Variants in CYP27C1 observed in about 807,000 individuals in gnomAD.
CYP27C1 encodes cytochrome P450 27C1.
In CYP27C1, 29 loss-of-function variants were observed where a neutral mutation model predicts 40.6. The ratio of observed to expected loss-of-function variants is 0.71; its 90% confidence interval spans 0.53 to 0.97. The LOEUF (loss-of-function observed/expected upper bound fraction) is 0.97, where lower values mean the gene tolerates loss of function less well. Among genes scored for constraint, CYP27C1 ranks in the 50% least tolerant of loss-of-function variants. The probability of loss-of-function intolerance (pLI) is 0.00; values close to 1 mark genes in which losing one functional copy is unlikely to be tolerated. For synonymous variants in CYP27C1, 198 were observed against 186.8 expected, an observed-to-expected ratio of 1.06 and a Z score of -0.49; for missense variants, 390 against 485.8, an observed-to-expected ratio of 0.80 and a Z score of 1.85.
At chr2:127,205,172 C>T (rs1474035674) in intron 2 of CYP27C1, among the ~76,000 whole-genome samples, 1 of 152,212 alleles carries the variant, frequency 6.6e-6, no homozygotes, top group Non-Finnish European at 1.5e-5. Context: ...GCCTGAACAT[C>T]CAGGAGGAGC....
rs1683088495 is a variant in CYP27C1, at chr2:127,203,421, T to C, written c.624A>G (p.Gly208=). The change falls in exon 3 of 9, where the codon GGA becomes GGG. Residue 208 remains glycine (G), a synonymous_variant. Coordinates refer to ENST00000664447, the MANE Select transcript of CYP27C1 (RefSeq NM_001367502.1). ...GATCATTGACATTGGTCACGGTTTCTCCATCTTCTGCCTGGCTCCTGAGGA... is the reference window on the plus strand; with the variant it reads ...GATCATTGACATTGGTCACGGTTTCCCCATCTTCTGCCTGGCTCCTGAGGA... ...IYLLRSQAED[G]ETVTNVNDLF... 3 of 1,613,778 alleles carry C rather than the reference T, an allele frequency of 1.9e-6. No individual in the cohort carries two copies. Among genetic ancestry groups the C allele is most frequent in the Non-Finnish European group, 2.5e-6 (3 of 1,179,980 alleles).
chr2:127,194,281 T>TA (rs1255813355), intron 6 of CYP27C1, among the ~76,000 whole-genome samples: 2 of 152,166 alleles, frequency 1.3e-5, no homozygotes, highest in Admixed American at 6.5e-5. Flanking sequence ...AAACCCTGAA[T>TA]AAAACTTTAA....
In CYP27C1 at chr2:127,204,485, A is replaced by AAAGGAAGGAAGG. The variant is rs369842924; in HGVS notation, c.474-926_474-915dup. 3.7e-4 allele frequency among the ~76,000 whole-genome samples: 22 copies of AAAGGAAGGAAGG among 60,210 alleles called. 3 individuals carry two copies. Among genetic ancestry groups the AAAGGAAGGAAGG allele is most frequent in the African/African-American group, 1.2e-3 (18 of 14,756 alleles). The allele number at this position is 60,210 out of a possible 152,430, so 39.5% of individuals were successfully genotyped here. On this transcript the variant is annotated intron_variant, in intron 2 of 8. Coordinates refer to ENST00000664447, the MANE Select transcript of CYP27C1 (RefSeq NM_001367502.1). ...GAAAGAAAGAAAGAAAGAAAGAAAG[A>AAAGGAAGGAAGG]AAGGAAGGAAGGAAGGAAGGAAAGA...
At chr2:127,190,884 T>C (rs1419032907) in intron 8 of CYP27C1, among the ~76,000 whole-genome samples, 2 of 143,744 alleles carry the variant, frequency 1.4e-5, no homozygotes, top group Admixed American at 7.1e-5. Flanking sequence ...GAGACAGAGT[T>C]GCAGCGACCC....
At chr2:127,192,900 T>C (rs1466619676) in intron 8 of CYP27C1, among the ~76,000 whole-genome samples, 194 bp downstream of exon 8, 1 of 152,186 alleles carries the variant, frequency 6.6e-6, no homozygotes, top group Non-Finnish European at 1.5e-5. Context: ...AGCCTTGAAC[T>C]CCTGGGTTCA....
chr2:127,217,513 T>C (rs1395133777), intron 1 of CYP27C1, among the ~76,000 whole-genome samples: 5 of 152,156 alleles, frequency 3.3e-5, no homozygotes, highest in Non-Finnish European at 5.9e-5. Flanking sequence ...ATGAGAAAAC[T>C]GAGGTGCAGA....
In CYP27C1 at chr2:127,204,551, G is replaced by GAGAGAAAGAAAGAAAGAA. The variant is rs1683164283; in HGVS notation, c.474-981_474-980insTTCTTTCTTTCTTTCTCT. Among the ~76,000 whole-genome samples, 20 of 51,300 alleles carry GAGAGAAAGAAAGAAAGAA rather than the reference G, an allele frequency of 3.9e-4. 1 individual carries two copies. The highest frequency in any genetic ancestry group is 1.2e-3 in the African/African-American group (18 of 14,724). The allele number at this position is 51,300 out of a possible 152,430, so 33.7% of individuals were successfully genotyped here. A position where few individuals can be genotyped will look rare whatever the true frequency, so the allele number is the denominator to read the frequency against. ...AAAGAAAGAAAGAGAGAGAGAGAGA[G>GAGAGAAAGAAAGAAAGAA]AGAGAGAAAGAAAGAAAGAAAGAAA... On this transcript the variant is annotated intron_variant, in intron 2 of 8. Transcript: ENST00000664447.
intron 5 of CYP27C1, among the ~76,000 whole-genome samples, chr2:127,198,338 A>T (rs1398729274): frequency 6.6e-6 from 1 of 152,226 alleles, no homozygotes; most frequent in Non-Finnish European, 1.5e-5. Flanking sequence ...TCTTGGCTTT[A>T]TAAATAAATT....
Position 127,208,600 on chromosome 2 carries a change from T to G in CYP27C1, c.283-2510A>C, listed in dbSNP as rs1683278226. Among the ~76,000 whole-genome samples, 1 of 152,342 alleles carries G rather than the reference T, an allele frequency of 6.6e-6. No homozygotes were observed. The highest frequency in any genetic ancestry group is 2.4e-5 in the African/African-American group (1 of 41,586). ...CTGGGACTCACAACTGCCAACAGGCTAAGCTCCCTGGGTTGGGGAAGGGTG... is the reference window on the plus strand; with the variant it reads ...CTGGGACTCACAACTGCCAACAGGCGAAGCTCCCTGGGTTGGGGAAGGGTG... On this transcript the variant is annotated intron_variant, in intron 1 of 8. Transcript: ENST00000664447. This position sits in a 1 kb window ranked among gnomAD's most constrained non-coding sequence, Gnocchi z 5.2.
At chr2:127,198,585 G>A (rs1682959931) in intron 5 of CYP27C1, among the ~76,000 whole-genome samples, 1 of 152,070 alleles carries the variant, frequency 6.6e-6, no homozygotes, top group Admixed American at 6.6e-5. Flanking sequence ...TGATGTTTTG[G>A]TCAATGATGG....
rs1408797875 is a variant in CYP27C1, at chr2:127,199,479, C to T, written c.944G>A (p.Arg315Lys). The T allele has an allele frequency of 1.2e-6, 2 of 1,614,186 alleles. No homozygotes were observed. Among genetic ancestry groups the T allele is most frequent in the South Asian group, 1.1e-5 (1 of 91,070 alleles). The change falls in exon 5 of 9, where the codon AGG becomes AAG. Residue 315 changes from arginine to lysine, a missense_variant. Physicochemically the swap from Arg to Lys is conservative, Grantham distance 26. Transcript: ENST00000664447. Reference protein sequence around the residue: ...DIQYQMDRGRRVSGGLLTYLF... With the variant: ...DIQYQMDRGRKVSGGLLTYLF... The stretch of plus-strand genomic sequence containing the variant: ...GTATGTGAGAAGTCCCCCGCTCACC[C>T]TCCGGCCTCGGTCCATTTGGTACTG...
intron 1 of CYP27C1, among the ~76,000 whole-genome samples, chr2:127,213,547 C>G (rs1397551383): frequency 6.6e-6 from 1 of 152,084 alleles, no homozygotes; most frequent in East Asian, 1.9e-4. Flanking sequence ...ACAAACCTGA[C>G]AAAAACAAGC....
chr2:127,201,115 C>T lies in CYP27C1; in HGVS notation c.883+7G>A, dbSNP rs1419459772. ...TCTGCAAAAGGTGCTCTCAATTCTT[C>T]TCTTACTGAATTTGAAGAGTCCATC... On this transcript the variant is annotated splice_region_variant and intron_variant, in intron 4 of 8. Transcript: ENST00000664447. The surrounding 1 kb of genome is among the most constrained non-coding windows in gnomAD (Gnocchi z 6.0). 6.2e-7 allele frequency: 1 copy of T among 1,611,566 alleles called. No individual in the cohort carries two copies. Among genetic ancestry groups the T allele is most frequent in the African/African-American group, 1.3e-5 (1 of 74,850 alleles).
At chr2:127,202,059 T>C (rs1280316068) in intron 3 of CYP27C1, among the ~76,000 whole-genome samples, 2 of 151,314 alleles carry the variant, frequency 1.3e-5, no homozygotes, top group African/African-American at 2.4e-5. Context: ...AGAAAGCTGA[T>C]AGAAAGTCCT....
At position 127,187,098 on chromosome 2, in the gene CYP27C1, T is replaced by C; in HGVS notation, c.*173A>G. ...ATGCACCAGTAAAATAGCAACCTTT[T>C]TACATTACTTTGCATAAAGATTTAC... On this transcript the variant is annotated 3_prime_UTR_variant, in exon 9 of 9. Coordinates refer to ENST00000664447, the MANE Select transcript of CYP27C1 (RefSeq NM_001367502.1). 1.6e-6 allele frequency: 1 copy of C among 626,160 alleles called. No homozygotes were observed. The highest frequency in any genetic ancestry group is 1.8e-5 in the African/African-American group (1 of 54,864). The allele number at this position is 626,160 out of a possible 1,614,324, so 38.8% of individuals were successfully genotyped here.
At chr2:127,188,195 C>T (rs936738978) in intron 8 of CYP27C1, among the ~76,000 whole-genome samples, 15 of 152,168 alleles carry the variant, frequency 9.9e-5, no homozygotes, top group African/African-American at 1.4e-4. Flanking sequence ...TCCTACTTAG[C>T]GCCCAGGCTG....
rs981780580 is a variant in CYP27C1 at position 127,201,041 on chromosome 2, C to A, written c.883+81G>T. ...TCTAGGCATCCTCTGCTATGGTCAC[C>A]CATTGTCTGGATGAGAGTTAGACAC... On this transcript the variant is annotated intron_variant, in intron 4 of 8. Transcript: ENST00000664447. This position sits in a 1 kb window ranked among gnomAD's most constrained non-coding sequence, Gnocchi z 6.0. The A allele has an allele frequency of 7.4e-7, 1 of 1,356,470 alleles. No individual in the cohort carries two copies. The allele number at this position is 1,356,470 out of a possible 1,614,324, so 84.0% of individuals were successfully genotyped here. A position where few individuals can be genotyped will look rare whatever the true frequency, so the allele number is the denominator to read the frequency against.
intron 1 of CYP27C1, among the ~76,000 whole-genome samples, chr2:127,206,433 C>T (rs1425273505): frequency 6.6e-6 from 1 of 152,056 alleles, no homozygotes; most frequent in East Asian, 1.9e-4. Flanking sequence ...CTCAGCCTCC[C>T]AAGTAGCTAG....
rs1368691089 is a variant in CYP27C1, at chr2:127,219,877, C to T, written c.282+112G>A. 6.6e-6 allele frequency: 1 copy of T among 152,590 alleles called. No homozygotes were observed. The highest frequency in any genetic ancestry group is 1.5e-5 in the Non-Finnish European group (1 of 68,424). 9.5% of individuals were successfully genotyped at this position (152,590 alleles called of 1,614,324 possible). A position where few individuals can be genotyped will look rare whatever the true frequency, so the allele number is the denominator to read the frequency against. Reference sequence around the variant, plus strand: ...GTGCCCGGGGATCCCTGCCCGCCGCCCCTCCCTGGGACTCCCCAACCCCGC... The same window carrying T: ...GTGCCCGGGGATCCCTGCCCGCCGCTCCTCCCTGGGACTCCCCAACCCCGC... On this transcript the variant is annotated intron_variant, in intron 1 of 8. Transcript: ENST00000664447. The surrounding 1 kb of genome is among the most constrained non-coding windows in gnomAD (Gnocchi z 8.7).
Sources: gnomAD v4.1 joint callset for allele counts (sites outside exome capture counted in the v4.1 genomes callset) on GRCh38, gnomAD v4.1.1 for gene constraint, Gnocchi (gnomAD v3.1) non-coding constraint, MANE v1.5 for transcripts, NCBI Gene and HGNC (gene_info 2026-07-23, HGNC 2026-07-21) for gene names.